Variants in FTO observed in about 807,000 individuals in gnomAD.
The protein encoded by FTO is FTO alpha-ketoglutarate dependent dioxygenase, also known as alpha-ketoglutarate-dependent dioxygenase FTO.
Under a neutral mutation model 63.9 loss-of-function variants are expected in FTO, and 47 were observed. The observed-to-expected ratio is 0.74, with a 90% CI of 0.58 to 0.94. The LOEUF (loss-of-function observed/expected upper bound fraction) is 0.94. FTO is among the 40% of genes least tolerant of loss of function. The probability of loss-of-function intolerance (pLI) is 0.00; values close to 1 mark genes in which losing one functional copy is unlikely to be tolerated. For missense variants in FTO, 562 were observed against 618.1 expected (o/e 0.91, Z 0.96); for synonymous variants, 207 against 224.4 (o/e 0.92, Z 0.69).
chr16:53,833,284 T>C (rs1419760799), intron 3 of FTO, among the ~76,000 whole-genome samples: 1 of 152,230 alleles, frequency 6.6e-6, no homozygotes, highest in African/African-American at 2.4e-5. Flanking sequence ...TTCGGATATG[T>C]CTTTATGAGC....
At chr16:53,999,482 A>G (rs1332207951) in intron 8 of FTO, among the ~76,000 whole-genome samples, 4 of 152,236 alleles carry the variant, frequency 2.6e-5, no homozygotes, top group Non-Finnish European at 4.4e-5. Context: ...ACAAGCTGTC[A>G]TAGGGCTGAC....
intron 2 of FTO, among the ~76,000 whole-genome samples, chr16:53,815,313 G>T (rs1000740164): frequency 6.6e-6 from 1 of 152,084 alleles, no homozygotes; most frequent in African/African-American, 2.4e-5. Context: ...AGATTAGAAA[G>T]CTCACCACCC....
At chr16:53,979,654 A>G (rs1395590111) in intron 8 of FTO, among the ~76,000 whole-genome samples, 1 of 151,700 alleles carries the variant, frequency 6.6e-6, no homozygotes, top group African/African-American at 2.4e-5. Context: ...AGTGCCTATG[A>G]GCTCATTATC....
intron 8 of FTO, among the ~76,000 whole-genome samples, chr16:54,080,221 T>TA (rs1338948453): frequency 5.3e-5 from 8 of 152,088 alleles, no homozygotes; most frequent in Non-Finnish European, 7.4e-5. Context: ...ACCCTGTCTC[T>TA]AAAAAAAGCA....
intron 8 of FTO, among the ~76,000 whole-genome samples, chr16:54,073,525 G>A (rs79332416): frequency 0.1 from 15,178 of 151,698 alleles, 1,424 homozygotes; most frequent in African/African-American, 0.25. Flanking sequence ...AGAAAGGAAG[G>A]CAGAAAGTCC....
At chr16:54,095,977 T>A (rs1336015953) in intron 8 of FTO, among the ~76,000 whole-genome samples, 1 of 152,262 alleles carries the variant, frequency 6.6e-6, no homozygotes, top group East Asian at 1.9e-4. Flanking sequence ...TGCTAGCAGC[T>A]GAATACAGTT....
At chr16:53,772,179 C>T (rs1177341182) in intron 1 of FTO, among the ~76,000 whole-genome samples, 1 of 152,024 alleles carries the variant, frequency 6.6e-6, no homozygotes, top group Non-Finnish European at 1.5e-5. Context: ...ATCTTTTTCC[C>T]TGAATCGTTT....
chr16:53,860,881 AACACACACACAC>A (rs35826323), intron 4 of FTO, among the ~76,000 whole-genome samples: 6 of 145,726 alleles, frequency 4.1e-5, no homozygotes, highest in Non-Finnish European at 7.6e-5. Context: ...AAATGTTTTT[AACACACACACAC>A]ACACACACAC....
rs982082435 is a variant in FTO, at chr16:54,026,896, C to T, written c.1365-84866C>T. Reference sequence around the variant, plus strand: ...TTTCTTTAGCCTTTTTGCAATGCAACGCACAATCAATACAAATCTTTGCAG... The same window carrying T: ...TTTCTTTAGCCTTTTTGCAATGCAATGCACAATCAATACAAATCTTTGCAG... On this transcript the variant is annotated intron_variant, in intron 8 of 8. Coordinates refer to ENST00000471389, the MANE Select transcript of FTO (RefSeq NM_001080432.3). Among the ~76,000 whole-genome samples the T allele has an allele frequency of 4.6e-5, 7 of 152,138 alleles. 1 individual carries two copies. The highest frequency in any genetic ancestry group is 1.7e-4 in the African/African-American group (7 of 41,416).
rs752080961 is a variant in FTO at position 53,900,608 on chromosome 16, C to CTTTTTTT, written c.1239+11678_1239+11684dup. On this transcript the variant is annotated intron_variant, in intron 7 of 8. Coordinates refer to ENST00000471389, the MANE Select transcript of FTO (RefSeq NM_001080432.3). ...CAGTCATTTAATCATTCATCTGCTCCTTTTTTTTTTTTTTTTTTTTTTTTT... is the reference window on the plus strand; with the variant it reads ...CAGTCATTTAATCATTCATCTGCTCCTTTTTTTTTTTTTTTTTTTTTTTTTTTTTTTT... Among the ~76,000 whole-genome samples the CTTTTTTT allele has an allele frequency of 1.8e-3, 119 of 67,194 alleles. 13 individuals carry two copies. Among genetic ancestry groups the CTTTTTTT allele is most frequent in the Middle Eastern group, 8.9e-3 (1 of 112 alleles). The allele number at this position is 67,194 out of a possible 152,430, so 44.1% of individuals were successfully genotyped here.
At chr16:54,033,669 T>G (rs1168999008) in intron 8 of FTO, among the ~76,000 whole-genome samples, 3 of 152,016 alleles carry the variant, frequency 2.0e-5, no homozygotes, top group Non-Finnish European at 4.4e-5. Flanking sequence ...AGAGACAACT[T>G]AACAGGGTGT....
intron 7 of FTO, among the ~76,000 whole-genome samples, chr16:53,931,882 A>G (rs1230685427): frequency 6.6e-6 from 1 of 150,612 alleles, no homozygotes; most frequent in Non-Finnish European, 1.5e-5. Flanking sequence ...ACACACACAC[A>G]CACACACACA....
chr16:53,967,122 G>A (rs1460998705), intron 8 of FTO, among the ~76,000 whole-genome samples: 2 of 152,096 alleles, frequency 1.3e-5, no homozygotes, highest in African/African-American at 4.8e-5. Context: ...CTGGGAAAAG[G>A]TTTTTCTTTT....
chr16:53,884,043 T>C (rs1471545740), intron 6 of FTO, among the ~76,000 whole-genome samples: 4 of 152,198 alleles, frequency 2.6e-5, no homozygotes, highest in Non-Finnish European at 5.9e-5. Context: ...TCTGGACAAA[T>C]CACAGGATGA....
At chr16:54,094,439 C>T (rs1301512880) in intron 8 of FTO, among the ~76,000 whole-genome samples, 4 of 152,216 alleles carry the variant, frequency 2.6e-5, no homozygotes, top group Non-Finnish European at 5.9e-5. Context: ...TCCTTTCTAA[C>T]CAAGTCATTT....
chr16:53,911,301 G>T (rs952179693), intron 7 of FTO: 16 of 690,578 alleles, frequency 2.3e-5, no homozygotes, highest in Admixed American at 8.1e-5. Flanking sequence ...TAGTCTGAAG[G>T]ACAGGCGCAG....
chr16:53,868,863 A>T (rs1259194675), intron 4 of FTO, among the ~76,000 whole-genome samples: 1 of 151,498 alleles, frequency 6.6e-6, no homozygotes. Flanking sequence ...ACAGAGTTTC[A>T]CTCTGTCTCC....
chr16:53,877,801 C>A (rs570398281), intron 5 of FTO, among the ~76,000 whole-genome samples: 16 of 151,738 alleles, frequency 1.1e-4, no homozygotes, highest in Non-Finnish European at 2.2e-4. Context: ...ACTATACATC[C>A]AGAAAAAAAT....
intron 1 of FTO, among the ~76,000 whole-genome samples, chr16:53,795,036 G>A (rs990800647): frequency 1.5e-4 from 23 of 151,844 alleles, no homozygotes; most frequent in African/African-American, 5.1e-4. Flanking sequence ...ATACTCAAGG[G>A]GATAAATAAA....
Sources: gnomAD v4.1 joint callset for allele counts (sites outside exome capture counted in the v4.1 genomes callset) on GRCh38, gnomAD v4.1.1 for gene constraint, MANE v1.5 for transcripts, NCBI Gene and HGNC (gene_info 2026-07-23, HGNC 2026-07-21) for gene names.